Variants in CCSER1 observed in about 807,000 individuals in gnomAD.
CCSER1 encodes the protein coiled-coil serine rich protein 1.
CCSER1 carries 41 observed loss-of-function variants against 82.0 expected under a neutral mutation model. The ratio of observed to expected loss-of-function variants is 0.50; its 90% CI spans 0.39 to 0.65. The LOEUF (loss-of-function observed/expected upper bound fraction) is 0.65, where lower values mean the gene tolerates loss of function less well. Ranked by LOEUF, CCSER1 falls within the 30% of genes least tolerant of loss-of-function variation. The pLI is 0.00. For synonymous variants in CCSER1, 414 were observed against 383.9 expected (o/e 1.08, Z -0.92); for missense variants, 1,119 against 1,064.2 (o/e 1.05, Z -0.72).
At chr4:90,583,570 G>T (rs1781658897) in intron 5 of CCSER1, among the ~76,000 whole-genome samples, 1 of 152,050 alleles carries the variant, frequency 6.6e-6, no homozygotes, top group Non-Finnish European at 1.5e-5. Context: ...TATGCTTTCT[G>T]CCAAACATGC....
chr4:91,267,840 A>C (rs572773364), intron 10 of CCSER1, among the ~76,000 whole-genome samples: 4 of 152,336 alleles, frequency 2.6e-5, no homozygotes, highest in African/African-American at 9.6e-5. Flanking sequence ...TTACTATTGT[A>C]AGTTAAAATG....
chr4:90,803,532 G>T (rs553554696), intron 7 of CCSER1, among the ~76,000 whole-genome samples: 2 of 152,256 alleles, frequency 1.3e-5, no homozygotes, highest in East Asian at 3.9e-4. Flanking sequence ...CCCTGCAAAG[G>T]ACATGAACTC....
At chr4:90,747,683 G>A (rs1338789305) in intron 7 of CCSER1, among the ~76,000 whole-genome samples, 2 of 150,946 alleles carry the variant, frequency 1.3e-5, no homozygotes, top group Non-Finnish European at 2.9e-5. Flanking sequence ...TTAAGTTTTA[G>A]GGTACATATG....
chr4:90,402,202 G>A (rs761398587), intron 4 of CCSER1, among the ~76,000 whole-genome samples: 5 of 152,158 alleles, frequency 3.3e-5, no homozygotes, highest in Admixed American at 6.5e-5. Context: ...AAGATAAATG[G>A]CATGATAAAA....
intron 10 of CCSER1, among the ~76,000 whole-genome samples, chr4:91,297,499 G>C (rs1048810437): frequency 6.6e-6 from 1 of 151,218 alleles, no homozygotes; most frequent in African/African-American, 2.4e-5. Context: ...AATTGTATAT[G>C]AAGTAAAAGA....
intron 9 of CCSER1, among the ~76,000 whole-genome samples, chr4:90,943,925 G>T (rs1408644686): frequency 1.3e-5 from 2 of 148,720 alleles, no homozygotes; most frequent in South Asian, 2.3e-4. Flanking sequence ...TAAGCAATTT[G>T]TATTGATTTA....
intron 9 of CCSER1, among the ~76,000 whole-genome samples, chr4:91,058,244 A>G (rs1743626030): frequency 6.6e-6 from 1 of 151,930 alleles, no homozygotes; most frequent in African/African-American, 2.4e-5. Flanking sequence ...TTGGCTCCCT[A>G]AAGAGAATGT....
chr4:91,399,553 G>C (rs1752196579), intron 10 of CCSER1, among the ~76,000 whole-genome samples: 1 of 151,910 alleles, frequency 6.6e-6, no homozygotes. Context: ...TCATATAGCT[G>C]CTGCTGTTTC....
At chr4:90,276,606 A>T (rs1249059271) in intron 1 of CCSER1, among the ~76,000 whole-genome samples, 6 of 152,012 alleles carry the variant, frequency 3.9e-5, no homozygotes, top group Admixed American at 2.0e-4. Context: ...TTGCCCACCC[A>T]AAGTGCTGGG....
chr4:90,571,235 A>C, intron 5 of CCSER1, among the ~76,000 whole-genome samples: 1 of 152,308 alleles, frequency 6.6e-6, no homozygotes, highest in South Asian at 2.1e-4. Context: ...CTGGGTATAT[A>C]CCCAAAGGAA....
chr4:90,369,985 A>C (rs1470363244), intron 3 of CCSER1: 1 of 152,134 alleles, frequency 6.6e-6, no homozygotes, highest in Non-Finnish European at 1.5e-5. Context: ...TTTATTTAAT[A>C]CTAGGAGTTT....
At chr4:90,235,985 A>T (rs896580865) in intron 1 of CCSER1, among the ~76,000 whole-genome samples, 7 of 152,136 alleles carry the variant, frequency 4.6e-5, no homozygotes, top group Non-Finnish European at 1.0e-4. Flanking sequence ...TGTGTCTCCC[A>T]GGCTGGAATG....
intron 7 of CCSER1, among the ~76,000 whole-genome samples, chr4:90,763,690 T>C (rs1247053816): frequency 6.6e-6 from 1 of 152,100 alleles, no homozygotes; most frequent in East Asian, 1.9e-4. Context: ...TGTAAGCACT[T>C]TGGGAAGAAC....
intron 5 of CCSER1, among the ~76,000 whole-genome samples, chr4:90,559,791 C>T (rs1385150045): frequency 8.1e-6 from 1 of 123,858 alleles, no homozygotes; most frequent in Non-Finnish European, 1.6e-5. Flanking sequence ...GCCTGGGAGA[C>T]AGACCGAGAC....
chr4:91,171,022 A>G (rs1339653482), intron 10 of CCSER1, among the ~76,000 whole-genome samples: 2 of 152,194 alleles, frequency 1.3e-5, no homozygotes, highest in East Asian at 1.9e-4. Flanking sequence ...CTATATAAAC[A>G]TGCACATGTT....
chr4:90,132,686 G>A (rs1302526150), intron 1 of CCSER1, among the ~76,000 whole-genome samples: 1 of 152,116 alleles, frequency 6.6e-6, no homozygotes, highest in African/African-American at 2.4e-5. Context: ...ATTACAAATT[G>A]TTAAAAGATT....
At chr4:90,933,319 C>T (rs1209556043) in intron 9 of CCSER1, among the ~76,000 whole-genome samples, 1 of 151,510 alleles carries the variant, frequency 6.6e-6, no homozygotes. Flanking sequence ...TCCTGAGTAG[C>T]TGGGACTACA....
intron 1 of CCSER1, among the ~76,000 whole-genome samples, chr4:90,177,919 C>T (rs1733008034): frequency 6.6e-6 from 1 of 151,906 alleles, no homozygotes; most frequent in South Asian, 2.1e-4. Context: ...CCAAAGTGCT[C>T]CAAAATCCAA....
chr4:90,807,094 G>A (rs1757616932), intron 7 of CCSER1, among the ~76,000 whole-genome samples: 1 of 152,082 alleles, frequency 6.6e-6, no homozygotes, highest in Non-Finnish European at 1.5e-5. Flanking sequence ...AACCTCCACA[G>A]AAATTTCCAT....
Sources: gnomAD v4.1 joint callset for allele counts (sites outside exome capture counted in the v4.1 genomes callset) on GRCh38, gnomAD v4.1.1 for gene constraint, MANE v1.5 for transcripts, NCBI Gene and HGNC (gene_info 2026-07-23, HGNC 2026-07-21) for gene names.